Variants in ABCB9 observed in about 807,000 individuals in gnomAD.
ABCB9 encodes ATP binding cassette subfamily B member 9.
Under a neutral mutation model 62.0 loss-of-function variants are expected in ABCB9, and 36 were observed. The ratio of observed to expected loss-of-function variants is 0.58; its 90% CI spans 0.45 to 0.77. The LOEUF is 0.77. Among genes scored for constraint, ABCB9 ranks in the 30% least tolerant of loss-of-function variants. The probability of loss-of-function intolerance (pLI) is 0.00; values close to 1 mark genes in which losing one functional copy is unlikely to be tolerated. For synonymous variants in ABCB9, 435 were observed against 461.4 expected (o/e 0.94, Z 0.73); for missense variants, 943 against 1,054.7 (o/e 0.89, Z 1.47).
chr12:122,932,037 A>C lies in ABCB9; in HGVS notation c.2040+155T>G. The C allele has an allele frequency of 7.3e-7, 1 of 1,362,064 alleles. No homozygotes were observed. The allele number at this position is 1,362,064 out of a possible 1,614,324, so 84.4% of individuals were successfully genotyped here. A position where few individuals can be genotyped will look rare whatever the true frequency, so the allele number is the denominator to read the frequency against. ...GGTCCAGAGTGGCTCCTGGCTCCCC[A>C]CTCTCAACACCAGGAATTCACCAGC... On this transcript the variant is annotated intron_variant, in intron 11 of 11. Transcript: ENST00000280560. This position sits in a 1 kb window ranked among gnomAD's most constrained non-coding sequence, Gnocchi z 4.7.
chr12:122,965,993 C>T (rs2037150728), intron 1 of ABCB9, among the ~76,000 whole-genome samples: 1 of 152,252 alleles, frequency 6.6e-6, no homozygotes, highest in Admixed American at 6.5e-5. Context: ...GGGGGAACGA[C>T]AGCCATCCCA....
downstream of ABCB9, among the ~76,000 whole-genome samples, chr12:122,927,973 GTTA>G (rs924309407): frequency 3.9e-5 from 6 of 152,152 alleles, no homozygotes; most frequent in African/African-American, 1.4e-4. Flanking sequence ...AAGTCCTGAG[GTTA>G]ACTTCAACCA....
intron 2 of ABCB9, among the ~76,000 whole-genome samples, chr12:122,955,835 C>T (rs909619841): frequency 6.6e-6 from 1 of 151,892 alleles, no homozygotes; most frequent in Non-Finnish European, 1.5e-5. Context: ...CATCAGCCTT[C>T]TGAGTAGCTG....
intron 2 of ABCB9, among the ~76,000 whole-genome samples, chr12:122,954,402 T>C (rs1286311623): frequency 6.6e-6 from 1 of 151,974 alleles, no homozygotes; most frequent in Non-Finnish European, 1.5e-5. Context: ...GAGACGGGGT[T>C]TCTCCATGTT....
At position 122,959,568 on chromosome 12, in the gene ABCB9, T is replaced by C; in HGVS notation, c.601+67A>G. 1 of 1,508,004 alleles carries C rather than the reference T, an allele frequency of 6.6e-7. No homozygotes were observed. Among genetic ancestry groups the C allele is most frequent in the Non-Finnish European group, 8.9e-7 (1 of 1,128,122 alleles). The allele number at this position is 1,508,004 out of a possible 1,614,324, so 93.4% of individuals were successfully genotyped here. The stretch of plus-strand genomic sequence containing the variant: ...ACCACGTAAGTAAAATCTTTTAAAA[T>C]CTAAGGCAGTCATATCCACCTAATT... On this transcript the variant is annotated intron_variant, in intron 2 of 11. Transcript: ENST00000280560. This position sits in a 1 kb window ranked among gnomAD's most constrained non-coding sequence, Gnocchi z 5.4.
At chr12:122,918,850 C>T (rs1358925827), downstream of ABCB9, among the ~76,000 whole-genome samples, 2 of 152,160 alleles carry the variant, frequency 1.3e-5, no homozygotes, top group Non-Finnish European at 2.9e-5. Context: ...CAAACTTTCT[C>T]ATCACCCTGT....
downstream of ABCB9, among the ~76,000 whole-genome samples, chr12:122,925,093 G>C (rs1253029765): frequency 2.0e-5 from 3 of 152,050 alleles, no homozygotes; most frequent in Non-Finnish European, 4.4e-5. Context: ...GCAGTTTTTG[G>C]ATTTTTTAGT....
upstream of ABCB9, among the ~76,000 whole-genome samples, chr12:122,967,069 C>T (rs868396959): frequency 2.0e-5 from 3 of 152,128 alleles, no homozygotes; most frequent in Admixed American, 2.0e-4. Flanking sequence ...ATACATTTTA[C>T]GGAGAAAATT....
At chr12:122,972,398 G>C (rs1401547292) in intron 1 of ABCB9, among the ~76,000 whole-genome samples, 1 of 152,218 alleles carries the variant, frequency 6.6e-6, no homozygotes, top group Non-Finnish European at 1.5e-5. Flanking sequence ...GTTCACTCAA[G>C]GGAATAGAAA....
intron 10 of ABCB9, among the ~76,000 whole-genome samples, chr12:122,934,708 T>C (rs1275797433): frequency 1.3e-5 from 2 of 151,812 alleles, no homozygotes; most frequent in African/African-American, 2.4e-5. Context: ...GTTTAAGTTC[T>C]TTCTTCAGTT....
chr12:122,957,694 T>A (rs1159837115), intron 2 of ABCB9, among the ~76,000 whole-genome samples: 1 of 143,220 alleles, frequency 7.0e-6, no homozygotes, highest in East Asian at 2.1e-4. Context: ...CTCAAACTGC[T>A]GAGAGTTTTT....
intron 11 of ABCB9, among the ~76,000 whole-genome samples, chr12:122,923,022 C>T (rs1027072984): frequency 2.0e-5 from 3 of 152,140 alleles, no homozygotes; most frequent in Non-Finnish European, 4.4e-5. Context: ...GTTGCCCAGG[C>T]TGGTCTTGAA....
At chr12:122,921,279 G>C (rs1328156794) in intron 11 of ABCB9, among the ~76,000 whole-genome samples, 3 of 152,094 alleles carry the variant, frequency 2.0e-5, no homozygotes, top group Non-Finnish European at 4.4e-5. Context: ...AGCCAGGCAT[G>C]GTGGCACAGG....
chr12:122,952,708 A>T (rs1195025863), intron 2 of ABCB9: 1 of 152,242 alleles, frequency 6.6e-6, no homozygotes, highest in African/African-American at 2.4e-5. Flanking sequence ...CTTACTGGGT[A>T]CCAGGGGCTG....
intron 9 of ABCB9, among the ~76,000 whole-genome samples, chr12:122,937,561 G>A (rs192770178): frequency 2.6e-5 from 4 of 152,232 alleles, no homozygotes; most frequent in Non-Finnish European, 5.9e-5. Flanking sequence ...TCTGAGAATC[G>A]AAGCGTGGTA....
chr12:122,922,046 C>G (rs1049611623), intron 11 of ABCB9, among the ~76,000 whole-genome samples: 1 of 151,964 alleles, frequency 6.6e-6, no homozygotes, highest in Non-Finnish European at 1.5e-5. Flanking sequence ...CCCGGCCGGC[C>G]GCTCAGGTCT....
Position 122,934,776 on chromosome 12 carries a change from T to C in ABCB9, c.1903+496A>G, listed in dbSNP as rs191063179. Among the ~76,000 whole-genome samples, 48 of 152,222 alleles carry C rather than the reference T, an allele frequency of 3.2e-4. 2 individuals carry two copies. In the East Asian group the frequency reaches 9.0e-3, roughly 29 times the overall value. On this transcript the variant is annotated intron_variant, in intron 10 of 11. Transcript: ENST00000280560. ...GTTGCTTACATGTCCTTGTCTAGTT[T>C]CTTTATGCAAATATGAACATGTTAT...
chr12:122,956,816 G>A (rs1259030502), intron 2 of ABCB9, among the ~76,000 whole-genome samples: 3 of 151,306 alleles, frequency 2.0e-5, no homozygotes, highest in South Asian at 2.1e-4. Context: ...CACTGTGCCC[G>A]GCTAATATTT....
chr12:122,927,855 A>C (rs903330323), downstream of ABCB9, among the ~76,000 whole-genome samples: 14 of 152,226 alleles, frequency 9.2e-5, no homozygotes, highest in African/African-American at 3.4e-4. Context: ...TACATAAAAA[A>C]CAGCTGATCT....
Sources: allele counts gnomAD v4.1 joint callset (sites outside exome capture counted in the v4.1 genomes callset), GRCh38; gene constraint gnomAD v4.1.1; non-coding constraint Gnocchi (gnomAD v3.1); transcripts MANE v1.5; gene names NCBI Gene and HGNC (gene_info 2026-07-23, HGNC 2026-07-21).